Variants in KLRG1 observed in about 807,000 individuals in gnomAD.
The protein encoded by KLRG1 is killer cell lectin like receptor G1, also known as killer cell lectin-like receptor subfamily G member 1.
Under a neutral mutation model 21.8 loss-of-function variants are expected in KLRG1, and 16 were observed. The observed-to-expected ratio is 0.73, with a 90% CI of 0.50 to 1.11. The LOEUF is 1.11. Among genes scored for constraint, KLRG1 ranks in the 50% most tolerant of loss-of-function variants. The pLI is 0.00. For synonymous variants in KLRG1, 69 were observed against 75.9 expected, an observed-to-expected ratio of 0.91 and a Z score of 0.47; for missense variants, 173 against 218.3, an observed-to-expected ratio of 0.79 and a Z score of 1.31.
At chr12:9,089,397 C>G in the KLRG1 span, 1 of 652,624 alleles carries the variant, frequency 1.5e-6, no homozygotes, top group Non-Finnish European at 2.7e-6. Flanking sequence ...AAGCAATATA[C>G]GTAGGAGGTA....
intron 3 of KLRG1, among the ~76,000 whole-genome samples, chr12:9,001,535 G>A (rs1947307260): frequency 6.6e-6 from 1 of 152,064 alleles, no homozygotes. Context: ...ACTAGCCCCA[G>A]CCCTAAGTCA....
chr12:8,981,583 A>G (rs1946755591), intron 1 of KLRG1, among the ~76,000 whole-genome samples: 1 of 151,746 alleles, frequency 6.6e-6, no homozygotes, highest in East Asian at 1.9e-4. Context: ...CTTGTTATTG[A>G]TTTCACTGTG....
chr12:9,176,226 A>G, the KLRG1 span, among the ~76,000 whole-genome samples: 1 of 152,176 alleles, frequency 6.6e-6, no homozygotes, highest in Middle Eastern at 3.2e-3. Context: ...TAAACACTAC[A>G]TGTTCTCACT....
At chr12:9,191,684 C>G in the KLRG1 span, among the ~76,000 whole-genome samples, 1 of 152,028 alleles carries the variant, frequency 6.6e-6, no homozygotes, top group South Asian at 2.1e-4. Flanking sequence ...AGTGGTTTAA[C>G]CTCTAGATTA....
chr12:9,054,404 T>C, the KLRG1 span, among the ~76,000 whole-genome samples: 1 of 152,174 alleles, frequency 6.6e-6, no homozygotes, highest in South Asian at 2.1e-4. Flanking sequence ...TGACTCTTTA[T>C]GAAAAATAAT....
chr12:9,041,652 G>A, the KLRG1 span, among the ~76,000 whole-genome samples: 1 of 152,170 alleles, frequency 6.6e-6, no homozygotes, highest in Non-Finnish European at 1.5e-5. Flanking sequence ...TGTAACAAGT[G>A]TATCTACTTG....
At chr12:9,152,370 G>A in the KLRG1 span, 17 of 1,244,820 alleles carry the variant, frequency 1.4e-5, no homozygotes, top group Middle Eastern at 1.9e-4. Context: ...CCAAATTTCT[G>A]CTTTCAAGCA....
chr12:9,139,607 T>A, the KLRG1 span, among the ~76,000 whole-genome samples: 1 of 152,224 alleles, frequency 6.6e-6, no homozygotes, highest in African/African-American at 2.4e-5. Flanking sequence ...ATTTAGGTGT[T>A]CTACTGTTGG....
At chr12:9,201,641 G>A in the KLRG1 span, among the ~76,000 whole-genome samples, 2 of 152,016 alleles carry the variant, frequency 1.3e-5, no homozygotes, top group African/African-American at 4.8e-5. Context: ...AATTCTCCTA[G>A]TGAATAATAT....
At chr12:9,103,373 T>G in the KLRG1 span, among the ~76,000 whole-genome samples, 1 of 152,204 alleles carries the variant, frequency 6.6e-6, no homozygotes, top group Non-Finnish European at 1.5e-5. Flanking sequence ...CCACTTTATC[T>G]GATTCAGATT....
the KLRG1 span, among the ~76,000 whole-genome samples, chr12:9,184,515 G>C: frequency 6.6e-6 from 1 of 152,174 alleles, no homozygotes; most frequent in African/African-American, 2.4e-5. Context: ...CCTGCACAAA[G>C]GCCAGCAACC....
chr12:9,076,861 G>GGCT, the KLRG1 span: 1 of 1,613,692 alleles, frequency 6.2e-7, no homozygotes, highest in Non-Finnish European at 8.5e-7. Context: ...GTATATACAT[G>GGCT]GCTGCCATGG....
At chr12:8,978,211 A>G (rs2377676) in intron 1 of KLRG1, among the ~76,000 whole-genome samples, 121,649 of 152,160 alleles carry the variant, frequency 0.8, 49,030 homozygotes, top group Admixed American at 0.84. Context: ...CATACTTCAC[A>G]TTGCTGTTTA....
the KLRG1 span, among the ~76,000 whole-genome samples, chr12:9,100,740 A>G: frequency 6.6e-6 from 1 of 152,198 alleles, no homozygotes; most frequent in East Asian, 1.9e-4. Flanking sequence ...AGTATTCCTG[A>G]TATTCCCAGC....
chr12:9,197,253 A>G, the KLRG1 span: 1 of 600,532 alleles, frequency 1.7e-6, no homozygotes, highest in Non-Finnish European at 2.9e-6. Context: ...CCAAGTAGAA[A>G]GCTGTCTGGA....
chr12:9,033,441 T>TA, the KLRG1 span, among the ~76,000 whole-genome samples: 146 of 145,804 alleles, frequency 1.0e-3, no homozygotes, highest in Middle Eastern at 3.5e-3. Flanking sequence ...TGAGACTCTT[T>TA]AAAAAAAAAA....
the KLRG1 span, among the ~76,000 whole-genome samples, chr12:9,153,850 G>C: frequency 3.7e-4 from 56 of 152,148 alleles, no homozygotes; most frequent in African/African-American, 1.3e-3. Context: ...ACATGTAGGA[G>C]GGAAAAGCCA....
chr12:8,997,983 A>G lies in KLRG1; in HGVS notation c.357+2695A>G, dbSNP rs753236729. On this transcript the variant is annotated intron_variant, in intron 3 of 4. Coordinates refer to ENST00000356986, the MANE Select transcript of KLRG1 (RefSeq NM_005810.4). ...TATAGTATTCTTAATCGTCACAGCAATTCTAAAAAGTAGAGTTCAACATCC... is the reference window on the plus strand; with the variant it reads ...TATAGTATTCTTAATCGTCACAGCAGTTCTAAAAAGTAGAGTTCAACATCC... Among the ~76,000 whole-genome samples, 154 of 152,168 alleles carry G rather than the reference A, an allele frequency of 1.0e-3. 1 individual carries two copies. The highest frequency in any genetic ancestry group is 3.5e-3 in the African/African-American group (147 of 41,528).
chr12:9,130,120 T>C, the KLRG1 span, among the ~76,000 whole-genome samples: 1 of 152,266 alleles, frequency 6.6e-6, no homozygotes, highest in African/African-American at 2.4e-5. Context: ...TCTTCAAAGT[T>C]CATCCATGTT....
Sources: allele counts gnomAD v4.1 joint callset (sites outside exome capture counted in the v4.1 genomes callset), GRCh38; gene constraint gnomAD v4.1.1; transcripts MANE v1.5; gene names NCBI Gene and HGNC (gene_info 2026-07-23, HGNC 2026-07-21).